The following GTF3C1 variants were observed in gnomAD, a reference collection of about 807,000 sequenced individuals.
GTF3C1 encodes the protein general transcription factor IIIC subunit 1, also known as general transcription factor 3C polypeptide 1.
A neutral mutation model predicts 226.7 loss-of-function variants in GTF3C1; 57 were observed. That is an observed-to-expected ratio of 0.25 (90% CI 0.20 to 0.31). The LOEUF (loss-of-function observed/expected upper bound fraction) is 0.31. Among genes scored for constraint, GTF3C1 ranks in the 10% least tolerant of loss-of-function variants. GTF3C1 has a pLI of 1.00. For missense variants in GTF3C1, 2,217 were observed against 2,776.1 expected (o/e 0.80, Z 4.53); for synonymous variants, 1,090 against 1,084.8 (o/e 1.00, Z -0.09).
Position 27,471,576 on chromosome 16 carries a change from A to C in GTF3C1, c.4526+172T>G. ...CTGCCAGCGCTCACCTGATCCCCAT[A>C]CCACGAAGGAGGTAAGGGGCTGCAG... is the stretch of plus-strand genomic sequence containing the variant. On this transcript the variant is annotated intron_variant, in intron 30 of 36. Coordinates refer to ENST00000356183, the MANE Select transcript of GTF3C1 (RefSeq NM_001520.4). This position sits in a 1 kb window ranked among gnomAD's most constrained non-coding sequence, Gnocchi z 5.0. 1.7e-6 allele frequency: 1 copy of C among 593,892 alleles called. No homozygotes were observed. Among genetic ancestry groups the C allele is most frequent in the East Asian group, 2.8e-5 (1 of 36,306 alleles). 36.8% of individuals were successfully genotyped at this position (593,892 alleles called of 1,614,324 possible).
intron 6 of GTF3C1, among the ~76,000 whole-genome samples, chr16:27,518,881 A>G (rs2088702911): frequency 6.6e-6 from 1 of 152,220 alleles, no homozygotes; most frequent in South Asian, 2.1e-4. Flanking sequence ...ATAAGCTGGT[A>G]GTAAGGACTA....
At chr16:27,482,671 CTCCT>C (rs907583425) in intron 26 of GTF3C1, 1 of 458,584 alleles carries the variant, frequency 2.2e-6, no homozygotes, top group Non-Finnish European at 4.4e-6. Flanking sequence ...GACAGCTTCC[CTCCT>C]TGTCAGCCAC....
chr16:27,526,969 G>T (rs993788611), intron 6 of GTF3C1, among the ~76,000 whole-genome samples: 2 of 152,216 alleles, frequency 1.3e-5, no homozygotes, highest in East Asian at 1.9e-4. Flanking sequence ...ACTTTGGGAG[G>T]CCAAGGCAGG....
intron 8 of GTF3C1, among the ~76,000 whole-genome samples, chr16:27,508,261 T>A (rs2088517988): frequency 6.6e-6 from 1 of 152,228 alleles, no homozygotes; most frequent in Non-Finnish European, 1.5e-5. Flanking sequence ...TCCCCCTACC[T>A]CAGCCTCCCA....
In GTF3C1 at chr16:27,549,684, T is replaced by C. The variant is rs769435780; in HGVS notation, c.207A>G (p.Leu69=). The C allele has an allele frequency of 2.9e-6, 4 of 1,356,468 alleles. No homozygotes were observed. In the South Asian group the frequency reaches 3.5e-5, roughly 12 times the overall value. 84.0% of individuals were successfully genotyped at this position (1,356,468 alleles called of 1,614,324 possible). Residue 69 remains leucine, a synonymous_variant, in exon 1 of 37, where the codon CTA becomes CTG. Transcript: ENST00000356183. ...FYEEPRERPD[L]QLQDRYEEID... ...CGCCCGCTGACCGGTCCTGGAGCTG[T>C]AGGTCGGGTCGCTCCCGAGGCTCCT... is the stretch of plus-strand genomic sequence containing the variant.
At chr16:27,512,790 A>C (rs1256738956) in intron 6 of GTF3C1, among the ~76,000 whole-genome samples, 1 of 152,206 alleles carries the variant, frequency 6.6e-6, no homozygotes, top group Non-Finnish European at 1.5e-5. Flanking sequence ...GACATGAGCT[A>C]CTCATTTGGT....
chr16:27,502,033 T>G (rs1385343944), intron 11 of GTF3C1, among the ~76,000 whole-genome samples: 1 of 151,172 alleles, frequency 6.6e-6, no homozygotes, highest in African/African-American at 2.4e-5. Flanking sequence ...AGGCAGACGT[T>G]GCAGTGAGCC....
In GTF3C1 at chr16:27,533,352, G is replaced by A. The variant is rs2088950986; in HGVS notation, c.788C>T (p.Ser263Leu). 1.9e-6 allele frequency: 3 copies of A among 1,608,010 alleles called. No homozygotes were observed. The highest frequency in any genetic ancestry group is 1.7e-4 in the Middle Eastern group (1 of 6,048). ...SKYDILMEKLSVMLSTRTNHI... is the reference protein window; with the variant it reads ...SKYDILMEKLLVMLSTRTNHI... The stretch of plus-strand genomic sequence containing the variant: ...GTTAGTCCGTGTGCTCAGCATGACC[G>A]AAAGCTTCTCCATGAGGATGTCGTA... Residue 263 changes from serine to leucine, a missense_variant, in exon 5 of 37, where the codon TCG becomes TTG. Physicochemically the swap from Ser to Leu is moderately radical, Grantham distance 145. This residue lies in a region of GTF3C1 where 163 missense variants were observed against 234.3 expected (regional missense o/e 0.70). Coordinates refer to ENST00000356183, the MANE Select transcript of GTF3C1 (RefSeq NM_001520.4).
At chr16:27,511,997 A>G (rs1024449948) in intron 6 of GTF3C1, 96 bp from the exon 7 acceptor site, 11 of 1,362,606 alleles carry the variant, frequency 8.1e-6, no homozygotes, top group Non-Finnish European at 1.0e-5. Context: ...ATGTCAGCAG[A>G]GACAGAGATC....
chr16:27,542,878 T>C (rs2089108955), intron 2 of GTF3C1, among the ~76,000 whole-genome samples: 1 of 152,230 alleles, frequency 6.6e-6, no homozygotes, highest in African/African-American at 2.4e-5. Context: ...CCTGCAGCAC[T>C]GTGAACTAAA....
At chr16:27,519,954 T>A (rs1242893748) in intron 6 of GTF3C1, among the ~76,000 whole-genome samples, 1 of 152,058 alleles carries the variant, frequency 6.6e-6, no homozygotes, top group Non-Finnish European at 1.5e-5. Context: ...AAAAAAACAA[T>A]TTTTTAAAAA....
At chr16:27,503,481 C>T (rs746282514) in intron 10 of GTF3C1, among the ~76,000 whole-genome samples, 3 of 152,108 alleles carry the variant, frequency 2.0e-5, no homozygotes, top group Non-Finnish European at 4.4e-5. Flanking sequence ...GGGGAGTGAA[C>T]GTGCCAGGAT....
intron 29 of GTF3C1, among the ~76,000 whole-genome samples, chr16:27,475,923 A>T (rs1321130386): frequency 6.6e-6 from 1 of 152,188 alleles, no homozygotes; most frequent in South Asian, 2.1e-4. Context: ...TGTCTTAAAC[A>T]TTAGACTTAA....
chr16:27,504,250 T>C (rs1438166928), intron 10 of GTF3C1, among the ~76,000 whole-genome samples: 1 of 152,076 alleles, frequency 6.6e-6, no homozygotes, highest in African/African-American at 2.4e-5. Flanking sequence ...AGAGCTGAAC[T>C]GGAAACAAGT....
Position 27,462,481 on chromosome 16 carries a change from C to A in GTF3C1, c.5930G>T (p.Cys1977Phe). 6.2e-7 allele frequency: 1 copy of A among 1,613,096 alleles called. No individual in the cohort carries two copies. The highest frequency in any genetic ancestry group is 2.2e-5 in the East Asian group (1 of 44,878). The change falls in exon 36 of 37, where the codon TGT becomes TTT. Residue 1977 changes from cysteine to phenylalanine, a missense_variant. By Grantham distance (205) the Cys-to-Phe change is radical. Transcript: ENST00000356183. The surrounding 1 kb of genome is among the most constrained non-coding windows in gnomAD (Gnocchi z 4.5). ...CCGGCCGATGAAGCAGACACTCTCA[C>A]AGTCCCTGCAGGGAGAGGGCTTGAC... ...NISQAARERD[C>F]ESVCFIGRPW...
Position 27,462,673 on chromosome 16 carries a change from C to A in GTF3C1, c.5925-187G>T, listed in dbSNP as rs1204342474. ...GTCTGGACAGAGGGGCCCTTGACCGCCAGCTGGGTGGAACCAGGACGTGGT... is the reference window on the plus strand; with the variant it reads ...GTCTGGACAGAGGGGCCCTTGACCGACAGCTGGGTGGAACCAGGACGTGGT... On this transcript the variant is annotated intron_variant, in intron 35 of 36. Transcript: ENST00000356183. The surrounding 1 kb of genome is among the most constrained non-coding windows in gnomAD (Gnocchi z 4.5). 9 of 576,078 alleles carry A rather than the reference C, an allele frequency of 1.6e-5. No individual in the cohort carries two copies. Among genetic ancestry groups the A allele is most frequent in the Admixed American group, 3.0e-5 (1 of 33,728 alleles). 35.7% of individuals were successfully genotyped at this position (576,078 alleles called of 1,614,324 possible).
chr16:27,518,212 C>T (rs1365600596), intron 6 of GTF3C1, among the ~76,000 whole-genome samples: 4 of 151,986 alleles, frequency 2.6e-5, no homozygotes, highest in Non-Finnish European at 5.9e-5. Flanking sequence ...CACACACATG[C>T]CTGGCCAGAG....
In GTF3C1 at chr16:27,511,983, G is replaced by A. The variant is rs1028111612; in HGVS notation, c.974-82C>T. ...AGGTGAGGGGTTCTGAAATATCACAGCACATGTCAGCAGAGACAGAGATCC... is the reference window on the plus strand; with the variant it reads ...AGGTGAGGGGTTCTGAAATATCACAACACATGTCAGCAGAGACAGAGATCC... On this transcript the variant is annotated intron_variant, in intron 6 of 36. Transcript: ENST00000356183. 4.1e-6 allele frequency: 6 copies of A among 1,450,034 alleles called. No individual in the cohort carries two copies. The African/African-American group carries it at 4.2e-5, about 10-fold the overall frequency. 89.8% of individuals were successfully genotyped at this position (1,450,034 alleles called of 1,614,324 possible).
chr16:27,461,124 G>A lies in GTF3C1; in HGVS notation c.*226C>T, dbSNP rs555164095. 12 of 494,622 alleles carry A rather than the reference G, an allele frequency of 2.4e-5. No homozygotes were observed. The highest frequency in any genetic ancestry group is 5.7e-5 in the African/African-American group (3 of 52,814). 30.6% of individuals were successfully genotyped at this position (494,622 alleles called of 1,614,324 possible). A position where few individuals can be genotyped will look rare whatever the true frequency, so the allele number is the denominator to read the frequency against. On this transcript the variant is annotated 3_prime_UTR_variant, in exon 37 of 37. Transcript: ENST00000356183. The surrounding 1 kb of genome is among the most constrained non-coding windows in gnomAD (Gnocchi z 5.3). Reference sequence around the variant, plus strand: ...CAGTGTGATGAGGCCAGTTCCCAAGGGGAAGGCCCAGAAGAGCCTGGGGGA... The same window carrying A: ...CAGTGTGATGAGGCCAGTTCCCAAGAGGAAGGCCCAGAAGAGCCTGGGGGA...
Sources: allele counts gnomAD v4.1 joint callset (sites outside exome capture counted in the v4.1 genomes callset), GRCh38; gene constraint gnomAD v4.1.1; regional missense constraint gnomAD v4.1.1; non-coding constraint Gnocchi (gnomAD v3.1); transcripts MANE v1.5; gene names NCBI Gene and HGNC (gene_info 2026-07-23, HGNC 2026-07-21).